SEMA3D: variants seen among roughly 807,000 people sequenced by gnomAD.
The protein encoded by SEMA3D is semaphorin-3D.
A neutral mutation model predicts 100.1 loss-of-function variants in SEMA3D; 84 were observed. The ratio of observed to expected loss-of-function variants is 0.84; its 90% confidence interval spans 0.70 to 1.01. The LOEUF (loss-of-function observed/expected upper bound fraction) is 1.01, where lower values mean the gene tolerates loss of function less well. SEMA3D is among the 50% of genes least tolerant of loss of function. SEMA3D has a pLI of 0.00. For synonymous variants in SEMA3D, 312 were observed against 320.7 expected, an observed-to-expected ratio of 0.97 and a Z score of 0.29; for missense variants, 875 against 934.1, an observed-to-expected ratio of 0.94 and a Z score of 0.82.
At chr7:85,144,616 T>C (rs560271503) in intron 2 of SEMA3D, 2 of 984,224 alleles carry the variant, frequency 2.0e-6, no homozygotes, top group Admixed American at 1.2e-4. Flanking sequence ...TTTATACACA[T>C]ATATACATTT....
At chr7:85,083,750 G>A (rs1171210797) in intron 4 of SEMA3D, among the ~76,000 whole-genome samples, 2 of 151,780 alleles carry the variant, frequency 1.3e-5, no homozygotes, top group East Asian at 2.0e-4. Flanking sequence ...GGGAGGCTGA[G>A]GCAGGAGAAT....
intron 1 of SEMA3D, among the ~76,000 whole-genome samples, chr7:85,185,103 A>G (rs777131493): frequency 6.7e-6 from 1 of 148,240 alleles, no homozygotes; most frequent in East Asian, 2.0e-4. Flanking sequence ...AAAGGAGAAC[A>G]AAAAGGAGAA....
intron 1 of SEMA3D, chr7:85,181,808 G>A (rs1791417499): frequency 3.1e-6 from 3 of 959,776 alleles, no homozygotes; most frequent in South Asian, 4.8e-5. Flanking sequence ...AAGATGACCT[G>A]GTTGATGGCT....
At chr7:85,165,692 A>G (rs1255172364) in intron 1 of SEMA3D, among the ~76,000 whole-genome samples, 2 of 152,130 alleles carry the variant, frequency 1.3e-5, no homozygotes, top group Non-Finnish European at 2.9e-5. Context: ...AGTTCACAAT[A>G]TATTTCTTTA....
At position 84,999,565 on chromosome 7, in the gene SEMA3D, T is replaced by C; in HGVS notation, c.2209A>G (p.Arg737Gly). The change falls in exon 19 of 19, where the codon AGG becomes GGG. Residue 737 changes from arginine to glycine, a missense_variant. Coordinates refer to ENST00000284136, the MANE Select transcript of SEMA3D (RefSeq NM_001384900.1). ...LDQYCEQMWH[R>G]EKRRQRNKGG... ...TTGTTTCTCTGTCTCCGCTTCTCCC[T>C]GTGCCACATCTGTTCGCAGTACTGG... The C allele has an allele frequency of 6.2e-7, 1 of 1,614,150 alleles. No individual in the cohort carries two copies. The highest frequency in any genetic ancestry group is 8.5e-7 in the Non-Finnish European group (1 of 1,180,018).
the SEMA3D span, among the ~76,000 whole-genome samples, chr7:85,224,987 T>G: frequency 6.8e-6 from 1 of 146,806 alleles, no homozygotes; most frequent in Non-Finnish European, 1.5e-5. Context: ...ATGTTGTCTA[T>G]GCTTTTCAAA....
At chr7:85,059,935 G>A (rs2214820) in intron 8 of SEMA3D, among the ~76,000 whole-genome samples, 39,392 of 152,058 alleles carry the variant, frequency 0.26, 5,152 homozygotes, top group Non-Finnish European at 0.3. Context: ...GACAGGTATG[G>A]CTATTTGAAA....
At chr7:85,140,593 A>C (rs1353014699) in intron 2 of SEMA3D, 1 of 924,018 alleles carries the variant, frequency 1.1e-6, no homozygotes, top group African/African-American at 1.8e-5. Flanking sequence ...CTATATCTAT[A>C]TATCTCTATA....
chr7:85,166,302 T>C (rs1790903042), intron 1 of SEMA3D, among the ~76,000 whole-genome samples: 1 of 151,960 alleles, frequency 6.6e-6, no homozygotes, highest in South Asian at 2.1e-4. Flanking sequence ...ATATCCTAAC[T>C]TGGTTAGGGC....
At chr7:85,165,229 CT>C (rs1790870994) in intron 1 of SEMA3D, among the ~76,000 whole-genome samples, 2 of 148,742 alleles carry the variant, frequency 1.3e-5, no homozygotes, top group South Asian at 2.1e-4. Flanking sequence ...AATAATAAAA[CT>C]TTTTTATGTA....
chr7:85,016,546 C>A (rs1790108481), intron 15 of SEMA3D, among the ~76,000 whole-genome samples: 1 of 151,592 alleles, frequency 6.6e-6, no homozygotes, highest in African/African-American at 2.4e-5. Context: ...TTCCTCCCCT[C>A]CCTTGCTACA....
At chr7:85,194,321 A>G in the SEMA3D span, among the ~76,000 whole-genome samples, 1 of 152,168 alleles carries the variant, frequency 6.6e-6, no homozygotes, top group Non-Finnish European at 1.5e-5. Flanking sequence ...ACCATTAAGT[A>G]TGAAGTTAGC....
intron 18 of SEMA3D, among the ~76,000 whole-genome samples, chr7:85,004,246 T>G (rs533349254): frequency 6.6e-6 from 1 of 152,232 alleles, no homozygotes; most frequent in East Asian, 1.9e-4. Context: ...TTATCTACAC[T>G]TAGTGGCCTC....
At chr7:85,042,308 G>C (rs199511612) in intron 9 of SEMA3D, 23 bp from the exon 10 acceptor site, 94 of 1,494,404 alleles carry the variant, frequency 6.3e-5, no homozygotes, top group Non-Finnish European at 3.7e-5. Context: ...AAAAAATAAA[G>C]ATAAATATTT....
rs143511733 is a variant in SEMA3D at position 85,131,948 on chromosome 7, C to T, written c.-40-10017G>A. 2.0e-5 allele frequency among the ~76,000 whole-genome samples: 3 copies of T among 151,814 alleles called. No homozygotes were observed. The East Asian group carries it at 5.8e-4, about 29-fold the overall frequency. On this transcript the variant is annotated intron_variant, in intron 2 of 18. Coordinates refer to ENST00000284136, the MANE Select transcript of SEMA3D (RefSeq NM_001384900.1). ...AAATTTATTCTTCCTAAATATGATGCCACTTAGGAACCTCACATAATTTAT... is the reference window on the plus strand; with the variant it reads ...AAATTTATTCTTCCTAAATATGATGTCACTTAGGAACCTCACATAATTTAT...
chr7:85,089,500 T>C (rs1290374950), intron 4 of SEMA3D, among the ~76,000 whole-genome samples: 2 of 152,146 alleles, frequency 1.3e-5, no homozygotes, highest in African/African-American at 4.8e-5. Flanking sequence ...GAAGACACTA[T>C]GAGCATGAAT....
the SEMA3D span, among the ~76,000 whole-genome samples, chr7:85,233,812 T>C: frequency 6.6e-6 from 1 of 152,238 alleles, no homozygotes; most frequent in East Asian, 1.9e-4. Context: ...TTCAAAAATG[T>C]TTTCGTTGTG....
the SEMA3D span, among the ~76,000 whole-genome samples, chr7:85,222,104 T>C: frequency 6.6e-6 from 1 of 152,118 alleles, no homozygotes. Context: ...CTAGAATATA[T>C]GCCCTAAAAA....
intron 9 of SEMA3D, among the ~76,000 whole-genome samples, chr7:85,053,069 A>G (rs1007218086): frequency 1.3e-5 from 2 of 152,020 alleles, no homozygotes; most frequent in Non-Finnish European, 2.9e-5. Context: ...AATTGTCAGC[A>G]GTTCTTTACT....
Sources: allele counts gnomAD v4.1 joint callset (sites outside exome capture counted in the v4.1 genomes callset), GRCh38; gene constraint gnomAD v4.1.1; transcripts MANE v1.5; gene names NCBI Gene and HGNC (gene_info 2026-07-23, HGNC 2026-07-21).